Variants in BCAR3 observed in about 807,000 individuals in gnomAD.
The protein encoded by BCAR3 is breast cancer anti-estrogen resistance protein 3.
BCAR3 carries 37 observed loss-of-function variants against 80.1 expected under a neutral mutation model. That is an observed-to-expected ratio of 0.46 (90% CI 0.36 to 0.61). The LOEUF is 0.61. Ranked by LOEUF, BCAR3 falls within the 20% of genes least tolerant of loss-of-function variation. BCAR3 has a pLI of 0.00. For missense variants in BCAR3, 978 were observed against 1,068.2 expected (o/e 0.92, Z 1.18); for synonymous variants, 389 against 418.9 (o/e 0.93, Z 0.87).
chr1:93,654,772 G>T (rs1327042512), intron 2 of BCAR3, among the ~76,000 whole-genome samples: 1 of 152,044 alleles, frequency 6.6e-6, no homozygotes, highest in South Asian at 2.1e-4. Context: ...ATACTCAGGG[G>T]CTTGCTCCCT....
chr1:93,671,904 A>C (rs1265630448), intron 2 of BCAR3, among the ~76,000 whole-genome samples: 2 of 152,178 alleles, frequency 1.3e-5, no homozygotes, highest in Non-Finnish European at 2.9e-5. Context: ...GTGTTAGAGA[A>C]ATAAATATAT....
intron 3 of BCAR3, among the ~76,000 whole-genome samples, chr1:93,596,021 C>A (rs1674407121): frequency 6.6e-6 from 1 of 152,136 alleles, no homozygotes; most frequent in Admixed American, 6.5e-5. Flanking sequence ...GGCTATGAAG[C>A]AAATTCTAGC....
chr1:93,575,935 C>T, intron 8 of BCAR3, 79 bp downstream of exon 8: 1 of 1,292,600 alleles, frequency 7.7e-7, no homozygotes, highest in Non-Finnish European at 1.1e-6. Flanking sequence ...TGCTGCGCCT[C>T]TCTTTGTTCT....
chr1:93,611,299 C>T (rs1674940110), intron 3 of BCAR3, among the ~76,000 whole-genome samples: 1 of 152,178 alleles, frequency 6.6e-6, no homozygotes, highest in African/African-American at 2.4e-5. Context: ...CCACAAATCC[C>T]TCCCCACCTA....
rs139683307 is a variant in BCAR3, at chr1:93,841,037, T to C, written c.-63+4530A>G. Among the ~76,000 whole-genome samples, 449 of 152,186 alleles carry C rather than the reference T, an allele frequency of 3.0e-3. 1 individual carries two copies. Among genetic ancestry groups the C allele is most frequent in the African/African-American group, 0.011 (438 of 41,518 alleles). On this transcript the variant is annotated intron_variant, in intron 2 of 13. Coordinates refer to the BCAR3 transcript ENST00000370244. ...AGATAGAAAACCACACAGAAAATTA[T>C]AGAGCTTTGAAAGTACCTTGGGAAT...
intron 2 of BCAR3, among the ~76,000 whole-genome samples, chr1:93,766,347 C>A (rs1652148684): frequency 6.6e-6 from 1 of 152,178 alleles, no homozygotes; most frequent in Non-Finnish European, 1.5e-5. Flanking sequence ...ACTAAGTGTG[C>A]ATGTGTTTGG....
At chr1:93,669,056 A>C (rs1354841550) in intron 2 of BCAR3, among the ~76,000 whole-genome samples, 1 of 152,110 alleles carries the variant, frequency 6.6e-6, no homozygotes, top group African/African-American at 2.4e-5. Context: ...TTTTCTCCAA[A>C]AAGTACACAA....
intron 2 of BCAR3, among the ~76,000 whole-genome samples, chr1:93,711,281 C>T (rs1453494885): frequency 2.6e-5 from 4 of 152,222 alleles, no homozygotes; most frequent in Admixed American, 2.0e-4. Context: ...GCTTAATTAT[C>T]GCTTCCTTTC....
At chr1:93,730,118 G>C (rs138310613) in intron 2 of BCAR3, among the ~76,000 whole-genome samples, 244 of 152,126 alleles carry the variant, frequency 1.6e-3, no homozygotes, top group African/African-American at 5.5e-3. Flanking sequence ...GCATCTCTCA[G>C]TTCCTCCAGA....
intron 2 of BCAR3, among the ~76,000 whole-genome samples, chr1:93,658,854 G>C (rs1647517702): frequency 6.6e-6 from 1 of 152,176 alleles, no homozygotes; most frequent in Admixed American, 6.5e-5. Context: ...TTTAAGATGA[G>C]TGTAGCCAGT....
At chr1:93,692,750 G>A (rs1191077404) in intron 3 of BCAR3, among the ~76,000 whole-genome samples, 3 of 152,208 alleles carry the variant, frequency 2.0e-5, no homozygotes, top group African/African-American at 4.8e-5. Flanking sequence ...GAGTGGGAGA[G>A]TTTGGGGTTG....
In BCAR3 at chr1:93,653,487, G is replaced by A. The variant is rs553373714; in HGVS notation, c.318-11144C>T. 6.6e-5 allele frequency among the ~76,000 whole-genome samples: 10 copies of A among 152,236 alleles called. No homozygotes were observed. In the East Asian group the frequency reaches 9.6e-4, roughly 15 times the overall value. ...CTACAGGGTGAGCTTTCCAACAGTC[G>A]TAACATGTCTACTTTACGCCCAGTC... On this transcript the variant is annotated intron_variant, in intron 2 of 11. Coordinates refer to ENST00000260502, the MANE Select transcript of BCAR3 (RefSeq NM_003567.4).
intron 3 of BCAR3, among the ~76,000 whole-genome samples, chr1:93,696,887 G>A (rs1407518261): frequency 1.3e-5 from 2 of 152,230 alleles, no homozygotes; most frequent in African/African-American, 4.8e-5. Flanking sequence ...CCACTTACCA[G>A]ATTATATGGT....
intron 3 of BCAR3, among the ~76,000 whole-genome samples, chr1:93,618,384 C>T (rs976467962): frequency 1.3e-5 from 2 of 152,220 alleles, no homozygotes; most frequent in Admixed American, 1.3e-4. Flanking sequence ...TGGTCTCTAT[C>T]CGGAAGCAAT....
Position 93,836,195 on chromosome 1 carries a change from G to A in BCAR3, c.-63+9372C>T, listed in dbSNP as rs181255686. Reference sequence around the variant, plus strand: ...GTACAGCCCATTTAAGCTCCTGTACGGACACTCCCTTTTATTAGGCCCCAG... The same window carrying A: ...GTACAGCCCATTTAAGCTCCTGTACAGACACTCCCTTTTATTAGGCCCCAG... On this transcript the variant is annotated intron_variant, in intron 2 of 13. Coordinates refer to the BCAR3 transcript ENST00000370244. Among the ~76,000 whole-genome samples the A allele has an allele frequency of 2.0e-3, 308 of 152,158 alleles. 2 individuals are homozygous for A. Among genetic ancestry groups the A allele is most frequent in the African/African-American group, 6.9e-3 (288 of 41,498 alleles).
Position 93,589,242 on chromosome 1 carries a change from C to G in BCAR3, c.664G>C (p.Glu222Gln), listed in dbSNP as rs751980713. The G allele has an allele frequency of 1.2e-6, 2 of 1,614,032 alleles. No individual in the cohort carries two copies. The highest frequency in any genetic ancestry group is 1.7e-6 in the Non-Finnish European group (2 of 1,180,034). The change falls in exon 5 of 12, where the codon GAG becomes CAG. Residue 222 changes from glutamate to glutamine, a missense_variant. Glu to Gln is a conservative substitution (Grantham distance 29). Coordinates refer to ENST00000260502, the MANE Select transcript of BCAR3 (RefSeq NM_003567.4). ...AGGCCGGGGATGGAGTCGAAGCTCT[C>G]CATCTCGAACTGGTACTGCACGCGG... is the stretch of plus-strand genomic sequence containing the variant. ...YSRVQYQFEM[E>Q]SFDSIPGLVR...
chr1:93,763,887 C>T (rs1652048607), intron 2 of BCAR3, among the ~76,000 whole-genome samples: 1 of 152,152 alleles, frequency 6.6e-6, no homozygotes. Context: ...AAGAGATGCG[C>T]ACAATCAGTC....
intron 2 of BCAR3, among the ~76,000 whole-genome samples, chr1:93,729,979 T>C (rs756405455): frequency 5.9e-5 from 9 of 152,354 alleles, no homozygotes; most frequent in Admixed American, 2.6e-4. Context: ...ATAAATCTAT[T>C]ATCAAACACT....
intron 2 of BCAR3, among the ~76,000 whole-genome samples, chr1:93,724,882 G>A (rs956215848): frequency 1.3e-5 from 2 of 152,196 alleles, no homozygotes; most frequent in Non-Finnish European, 2.9e-5. Context: ...GAGTGCATTA[G>A]CCCTCTAAAC....
Sources: allele counts gnomAD v4.1 joint callset (sites outside exome capture counted in the v4.1 genomes callset), GRCh38; gene constraint gnomAD v4.1.1; transcripts MANE v1.5; gene names NCBI Gene and HGNC (gene_info 2026-07-23, HGNC 2026-07-21).